The following SRGAP3 variants were observed in gnomAD, a reference collection of about 807,000 sequenced individuals.
SRGAP3 encodes the protein SLIT-ROBO Rho GTPase-activating protein 3.
A neutral mutation model predicts 121.1 loss-of-function variants in SRGAP3; 39 were observed. The observed-to-expected ratio is 0.32, with a 90% CI of 0.25 to 0.42. SRGAP3 has a LOEUF of 0.42. Ranked by LOEUF, SRGAP3 falls within the 10% of genes least tolerant of loss-of-function variation. SRGAP3 has a pLI of 1.00. For missense variants in SRGAP3, 1,213 were observed against 1,470.6 expected (o/e 0.82, Z 2.86); for synonymous variants, 601 against 570.0 (o/e 1.05, Z -0.77).
At chr3:9,118,697 C>G (rs1361404316) in intron 2 of SRGAP3, among the ~76,000 whole-genome samples, 1 of 152,102 alleles carries the variant, frequency 6.6e-6, no homozygotes, top group Non-Finnish European at 1.5e-5. Context: ...CCAGGCCCCC[C>G]CCCCAAGAAG....
At chr3:9,091,883 A>C (rs1375061258) in intron 3 of SRGAP3, among the ~76,000 whole-genome samples, 1 of 151,596 alleles carries the variant, frequency 6.6e-6, no homozygotes, top group Non-Finnish European at 1.5e-5. Context: ...CCCTTCCCAC[A>C]CTAATTTATG....
chr3:9,078,802 T>C (rs766572100), intron 4 of SRGAP3, among the ~76,000 whole-genome samples: 11 of 152,140 alleles, frequency 7.2e-5, no homozygotes, highest in Non-Finnish European at 1.6e-4. Context: ...ATGACTCAAC[T>C]AAAAACTACC....
chr3:9,347,569 A>ACTGAC (rs1323649165), intron 1 of SRGAP3, among the ~76,000 whole-genome samples: 1 of 152,216 alleles, frequency 6.6e-6, no homozygotes, highest in Non-Finnish European at 1.5e-5. Flanking sequence ...CTACTCAGCC[A>ACTGAC]CTGACCTGCA....
intron 1 of SRGAP3, among the ~76,000 whole-genome samples, chr3:9,184,790 C>T (rs774925170): frequency 9.9e-5 from 15 of 152,182 alleles, no homozygotes; most frequent in South Asian, 2.1e-4. Context: ...GCTCCTTATC[C>T]TTGCACCCCT....
intron 1 of SRGAP3, among the ~76,000 whole-genome samples, chr3:9,175,741 C>G (rs765183799): frequency 6.6e-6 from 1 of 152,228 alleles, no homozygotes; most frequent in Non-Finnish European, 1.5e-5. Context: ...GAAATCAACA[C>G]TTTACCAGCA....
intron 1 of SRGAP3, among the ~76,000 whole-genome samples, chr3:9,188,702 T>C (rs1184680379): frequency 6.6e-6 from 1 of 152,248 alleles, no homozygotes; most frequent in Non-Finnish European, 1.5e-5. Context: ...TTCCCTTTGA[T>C]GTGTGATCAC....
At chr3:9,097,531 G>A (rs1044907702) in intron 3 of SRGAP3, among the ~76,000 whole-genome samples, 10 of 152,154 alleles carry the variant, frequency 6.6e-5, no homozygotes, top group African/African-American at 2.4e-4. Flanking sequence ...CCACCTCTTC[G>A]TGATCCAGGA....
intron 4 of SRGAP3, among the ~76,000 whole-genome samples, chr3:9,069,403 T>C (rs1946578998): frequency 6.6e-6 from 1 of 152,126 alleles, no homozygotes; most frequent in Admixed American, 6.5e-5. Flanking sequence ...GGAGCTCAGC[T>C]GAGGCCAAGT....
intron 3 of SRGAP3, among the ~76,000 whole-genome samples, chr3:9,290,946 T>A (rs960108667): frequency 6.6e-6 from 1 of 152,156 alleles, no homozygotes; most frequent in African/African-American, 2.4e-5. Context: ...GTAGTGGTGA[T>A]GGTGTGTGTG....
Position 8,993,026 on chromosome 3 carries a change from T to G in SRGAP3, c.2438A>C (p.Gln813Pro), listed in dbSNP as rs1325902201. The change falls in exon 20 of 22, where the codon CAG (glutamine) becomes CCG (proline). Residue 813 changes from glutamine (Q) to proline (P), a missense_variant. By Grantham distance (76) the Gln-to-Pro change is moderately conservative. Coordinates refer to ENST00000383836, the MANE Select transcript of SRGAP3 (RefSeq NM_014850.4). Reference protein sequence around the residue: ...MDDAFSDSLSQKADSEASSGP... With the variant: ...MDDAFSDSLSPKADSEASSGP... ...ACTGCTGGCCTCGCTGTCAGCCTTC[T>G]GGCTCAGGCTGTCGGAGAAGGCATC... 1.2e-6 allele frequency: 2 copies of G among 1,614,230 alleles called. No individual in the cohort carries two copies. The highest frequency in any genetic ancestry group is 1.7e-6 in the Non-Finnish European group (2 of 1,180,042).
At chr3:9,054,040 C>G (rs931135399) in intron 8 of SRGAP3, among the ~76,000 whole-genome samples, 1 of 152,212 alleles carries the variant, frequency 6.6e-6, no homozygotes. Context: ...TTGGTCCCCC[C>G]GATATCTTCA....
chr3:9,274,793 C>A (rs1954540756), intron 3 of SRGAP3, among the ~76,000 whole-genome samples: 1 of 152,160 alleles, frequency 6.6e-6, no homozygotes, highest in Non-Finnish European at 1.5e-5. Flanking sequence ...TGGCCATTCC[C>A]AGCTGAACTT....
chr3:9,061,806 A>G (rs113625358), intron 5 of SRGAP3, among the ~76,000 whole-genome samples: 4,783 of 152,226 alleles, frequency 0.031, 243 homozygotes, highest in African/African-American at 0.11. Context: ...CAGGGACCCA[A>G]TTGCCCCCCA....
chr3:9,326,284 C>A (rs1017909715), intron 2 of SRGAP3: 3 of 151,824 alleles, frequency 2.0e-5, no homozygotes, highest in African/African-American at 7.2e-5. Context: ...CATGGGAAAG[C>A]TTTTATACAA....
intron 3 of SRGAP3, among the ~76,000 whole-genome samples, chr3:9,299,567 A>G (rs1372497864): frequency 6.6e-6 from 1 of 152,078 alleles, no homozygotes; most frequent in Non-Finnish European, 1.5e-5. Flanking sequence ...GTGGTTTATT[A>G]TACAGCTAAA....
chr3:9,254,748 A>G (rs1010641457), intron 3 of SRGAP3, among the ~76,000 whole-genome samples: 3 of 151,296 alleles, frequency 2.0e-5, no homozygotes, highest in Non-Finnish European at 2.9e-5. Flanking sequence ...GTGAGCTGTG[A>G]CTGCAATTGC....
At chr3:9,354,543 A>G (rs1181162517) in intron 1 of SRGAP3, among the ~76,000 whole-genome samples, 5 of 152,132 alleles carry the variant, frequency 3.3e-5, no homozygotes, top group Admixed American at 2.6e-4. Context: ...TTAGCCGGAC[A>G]TGGTGGCAGG....
At chr3:9,076,950 A>G (rs1946999513) in intron 4 of SRGAP3, among the ~76,000 whole-genome samples, 1 of 152,078 alleles carries the variant, frequency 6.6e-6, no homozygotes, top group African/African-American at 2.4e-5. Context: ...CAGTTCACAC[A>G]CTACTCTTTT....
chr3:9,356,305 C>T lies in SRGAP3; in HGVS notation n.214+6535G>A, dbSNP rs559964534. Among the ~76,000 whole-genome samples, 13 of 149,976 alleles carry T rather than the reference C, an allele frequency of 8.7e-5. No individual in the cohort carries two copies. In the East Asian group the frequency reaches 2.5e-3, roughly 29 times the overall value. Reference sequence around the variant, plus strand: ...CTCCCAGGCTCAAGCAATCCTCCCACCTCACCCTCCTAAGTAGCTGGGACC... The same window carrying T: ...CTCCCAGGCTCAAGCAATCCTCCCATCTCACCCTCCTAAGTAGCTGGGACC... On this transcript the variant is annotated intron_variant and non_coding_transcript_variant, in intron 1 of 3. Transcript: ENST00000490889.
Sources: gnomAD v4.1 joint callset for allele counts (sites outside exome capture counted in the v4.1 genomes callset) on GRCh38, gnomAD v4.1.1 for gene constraint, MANE v1.5 for transcripts, NCBI Gene and HGNC (gene_info 2026-07-23, HGNC 2026-07-21) for gene names.